FAM193A: variants seen among roughly 807,000 people sequenced by gnomAD.
FAM193A encodes family with sequence similarity 193 member A.
In FAM193A, 22 loss-of-function variants were observed where a neutral mutation model predicts 126.5. That is an observed-to-expected ratio of 0.17 (90% CI 0.12 to 0.25). The LOEUF is 0.25. Among genes scored for constraint, FAM193A ranks in the 10% least tolerant of loss-of-function variants. The pLI is 1.00. For synonymous variants in FAM193A, 761 were observed against 646.8 expected (o/e 1.18, Z -2.68); for missense variants, 1,675 against 1,672.8 (o/e 1.00, Z -0.02).
intron 1 of FAM193A, among the ~76,000 whole-genome samples, chr4:2,540,202 G>T (rs1203048244): frequency 2.6e-5 from 4 of 152,144 alleles, no homozygotes; most frequent in African/African-American, 9.7e-5. Context: ...GGGCGCAGTG[G>T]CTCACGCCTG....
intron 13 of FAM193A, among the ~76,000 whole-genome samples, chr4:2,686,680 G>A (rs11736152): frequency 0.019 from 2,950 of 152,244 alleles, 45 homozygotes; most frequent in Non-Finnish European, 0.032. Flanking sequence ...ACAACTCATG[G>A]TCGTGTCTTG....
Position 2,732,023 on chromosome 4 carries a change from G to A in FAM193A, c.*155G>A, listed in dbSNP as rs554950885. The A allele has an allele frequency of 2.4e-5, 16 of 672,456 alleles. No homozygotes were observed. The highest frequency in any genetic ancestry group is 1.4e-4 in the African/African-American group (8 of 56,844). 41.7% of individuals were successfully genotyped at this position (672,456 alleles called of 1,614,324 possible). Reference sequence around the variant, plus strand: ...ACCCCAGACCGAGAAGTTGATGCTCGGCCCACGCCGTTAGCTCGTGTGCGT... The same window carrying A: ...ACCCCAGACCGAGAAGTTGATGCTCAGCCCACGCCGTTAGCTCGTGTGCGT... On this transcript the variant is annotated 3_prime_UTR_variant, in exon 21 of 21. Coordinates refer to ENST00000637812, the MANE Select transcript of FAM193A (RefSeq NM_001366318.2).
chr4:2,629,629 C>T (rs537924671), intron 4 of FAM193A, among the ~76,000 whole-genome samples: 1 of 152,276 alleles, frequency 6.6e-6, no homozygotes, highest in African/African-American at 2.4e-5. Context: ...AAAGGATTTA[C>T]TATGTAAAAT....
chr4:2,605,388 A>G (rs1295060170), intron 2 of FAM193A, among the ~76,000 whole-genome samples: 2 of 152,226 alleles, frequency 1.3e-5, no homozygotes, highest in East Asian at 3.8e-4. Flanking sequence ...TTTTACAGAA[A>G]TGTAATCGTA....
intron 14 of FAM193A, among the ~76,000 whole-genome samples, chr4:2,689,964 G>A (rs1258694646): frequency 6.6e-6 from 1 of 152,222 alleles, no homozygotes; most frequent in African/African-American, 2.4e-5. Flanking sequence ...CCACATGGGC[G>A]TGGCCTCAGC....
chr4:2,638,552 G>A (rs1417136970), intron 5 of FAM193A, among the ~76,000 whole-genome samples: 1 of 152,158 alleles, frequency 6.6e-6, no homozygotes, highest in African/African-American at 2.4e-5. Flanking sequence ...TTAACAAAAC[G>A]GAAGGTTTTA....
chr4:2,588,187 C>T (rs957268188), intron 1 of FAM193A, among the ~76,000 whole-genome samples: 62 of 152,186 alleles, frequency 4.1e-4, no homozygotes, highest in African/African-American at 1.4e-3. Flanking sequence ...TGACGGAGCT[C>T]GAGATCCCCA....
At chr4:2,557,906 C>T (rs182012025) in intron 1 of FAM193A, among the ~76,000 whole-genome samples, 42 of 151,632 alleles carry the variant, frequency 2.8e-4, no homozygotes, top group Middle Eastern at 3.4e-3. Context: ...GAGCCAAGAA[C>T]GTGCCACTGC....
intron 10 of FAM193A, among the ~76,000 whole-genome samples, chr4:2,661,399 C>T (rs1344366116): frequency 6.6e-6 from 1 of 152,158 alleles, no homozygotes; most frequent in Non-Finnish European, 1.5e-5. Context: ...CTTTACGGAG[C>T]TAGGGCTGGT....
At chr4:2,574,209 G>T (rs1010617779) in intron 1 of FAM193A, among the ~76,000 whole-genome samples, 2 of 150,822 alleles carry the variant, frequency 1.3e-5, no homozygotes, top group Non-Finnish European at 2.9e-5. Context: ...GGCATGTGCT[G>T]CACTCTCTTG....
intron 1 of FAM193A, among the ~76,000 whole-genome samples, chr4:2,588,144 C>G (rs1249008907): frequency 6.6e-6 from 1 of 152,194 alleles, no homozygotes; most frequent in East Asian, 1.9e-4. Context: ...GTCCATGTCC[C>G]TGTTCTTCCC....
intron 20 of FAM193A, among the ~76,000 whole-genome samples, chr4:2,727,940 ATT>A (rs1720937511): frequency 6.6e-6 from 1 of 151,574 alleles, no homozygotes; most frequent in Admixed American, 6.6e-5. Context: ...AAAAAAAAAA[ATT>A]ATTTTATTTA....
chr4:2,569,921 T>C (rs1739190378), intron 1 of FAM193A, among the ~76,000 whole-genome samples: 1 of 152,186 alleles, frequency 6.6e-6, no homozygotes, highest in Admixed American at 6.5e-5. Context: ...TATTTATCTC[T>C]AGAATTTTAG....
chr4:2,712,141 G>A (rs1719048336), intron 19 of FAM193A, among the ~76,000 whole-genome samples: 1 of 151,982 alleles, frequency 6.6e-6, no homozygotes. Flanking sequence ...TCCTCCATGT[G>A]TACTTGATAG....
Position 2,657,958 on chromosome 4 carries a change from T to C in FAM193A, c.1389+78T>C, listed in dbSNP as rs973854975. ...AGCAAATGACTTCTCTGCATGTTGA[T>C]GTGCTTTGTTAGAACAGCATTGGAG... On this transcript the variant is annotated intron_variant, in intron 8 of 20. Coordinates refer to ENST00000637812, the MANE Select transcript of FAM193A (RefSeq NM_001366318.2). 6 of 1,003,386 alleles carry C rather than the reference T, an allele frequency of 6.0e-6. No homozygotes were observed. In the African/African-American group the frequency reaches 6.4e-5, roughly 11 times the overall value. 62.2% of individuals were successfully genotyped at this position (1,003,386 alleles called of 1,614,324 possible).
At chr4:2,724,550 TTTTG>T (rs1420454800) in intron 20 of FAM193A, among the ~76,000 whole-genome samples, 1 of 152,170 alleles carries the variant, frequency 6.6e-6, no homozygotes, top group African/African-American at 2.4e-5. Context: ...ATTATTAATA[TTTTG>T]TTTATCTGAA....
rs763536573 is a variant in FAM193A, at chr4:2,693,638, C to T, written c.2856C>T (p.Ala952=). The T allele has an allele frequency of 1.8e-5, 29 of 1,614,024 alleles. No individual in the cohort carries two copies. Among genetic ancestry groups the T allele is most frequent in the Middle Eastern group, 1.6e-4 (1 of 6,084 alleles). ...AGGACCACAGACACTCGGCCCCAGC[C>T]GCCCCGAGGAATAGCCCCACGGGCT... ...SKEDHRHSAP[A]APRNSPTGLA... Residue 952 remains alanine, a synonymous_variant, in exon 16 of 21, where the codon GCC becomes GCT. Transcript: ENST00000637812.
chr4:2,722,201 GCTGT>G (rs1423682388), intron 20 of FAM193A, among the ~76,000 whole-genome samples: 1 of 152,158 alleles, frequency 6.6e-6, no homozygotes, highest in Non-Finnish European at 1.5e-5. Context: ...TGGTTATGTG[GCTGT>G]CCTGTGTGTC....
chr4:2,581,787 G>A (rs1189067385), intron 1 of FAM193A, among the ~76,000 whole-genome samples: 1 of 151,966 alleles, frequency 6.6e-6, no homozygotes, highest in African/African-American at 2.4e-5. Context: ...CCAAGTAGCT[G>A]GGACTACAGG....
Sources: allele counts gnomAD v4.1 joint callset (sites outside exome capture counted in the v4.1 genomes callset), GRCh38; gene constraint gnomAD v4.1.1; transcripts MANE v1.5; gene names NCBI Gene and HGNC (gene_info 2026-07-23, HGNC 2026-07-21).